CHD7: variants seen among roughly 807,000 people sequenced by gnomAD.
CHD7 encodes ATP-dependent chromatin remodeler CHD7.
CHD7 carries 24 observed loss-of-function variants against 307.3 expected under a neutral mutation model. That is an observed-to-expected ratio of 0.08 (90% CI 0.06 to 0.11). The LOEUF (loss-of-function observed/expected upper bound fraction) is 0.11, where lower values mean the gene tolerates loss of function less well. Among genes scored for constraint, CHD7 ranks in the 10% least tolerant of loss-of-function variants. The pLI, the probability that CHD7 is intolerant of heterozygous loss-of-function variation, is 1.00. For synonymous variants in CHD7, 1,363 were observed against 1,349.9 expected (o/e 1.01, Z -0.21); for missense variants, 3,106 against 3,727.1 (o/e 0.83, Z 4.34).
chr8:60,837,931 C>A, intron 18 of CHD7, 96 bp downstream of exon 18: 1 of 1,322,638 alleles, frequency 7.6e-7, no homozygotes, highest in Non-Finnish European at 1.0e-6. Flanking sequence ...TATTTTTCGA[C>A]CTCAATATTT....
At chr8:60,721,306 G>C (rs1376930463) in intron 1 of CHD7, among the ~76,000 whole-genome samples, 3 of 152,196 alleles carry the variant, frequency 2.0e-5, no homozygotes, top group Non-Finnish European at 4.4e-5. Flanking sequence ...AGAGAGAGCT[G>C]GCTCTCCCAG....
At chr8:60,732,371 T>C (rs1808496646) in intron 1 of CHD7, among the ~76,000 whole-genome samples, 1 of 152,244 alleles carries the variant, frequency 6.6e-6, no homozygotes. Flanking sequence ...GTTTGCTGCT[T>C]TCTCAGCCCC....
intron 1 of CHD7, among the ~76,000 whole-genome samples, chr8:60,687,141 T>G (rs1396738044): frequency 6.6e-6 from 1 of 152,232 alleles, no homozygotes; most frequent in Non-Finnish European, 1.5e-5. Flanking sequence ...AATGTGCATA[T>G]TATTTCAACA....
chr8:60,716,864 C>T (rs1344246823), intron 1 of CHD7, among the ~76,000 whole-genome samples: 1 of 152,146 alleles, frequency 6.6e-6, no homozygotes, highest in Non-Finnish European at 1.5e-5. Flanking sequence ...GTCTTCGGTT[C>T]TCTGTAGCAC....
intron 19 of CHD7, among the ~76,000 whole-genome samples, chr8:60,838,826 A>G (rs183914982): frequency 6.6e-6 from 1 of 152,282 alleles, no homozygotes; most frequent in East Asian, 1.9e-4. Context: ...AGTACACCAG[A>G]TGGTTCCACC....
At chr8:60,781,611 C>T (rs986550512) in intron 3 of CHD7, among the ~76,000 whole-genome samples, 181 bp downstream of exon 3, 1 of 152,078 alleles carries the variant, frequency 6.6e-6, no homozygotes, top group Non-Finnish European at 1.5e-5. Context: ...AAAGTTAGGA[C>T]TTATTGTTGT....
Position 60,800,672 on chromosome 8 carries a change from C to A in CHD7, c.2376+147C>A, listed in dbSNP as rs3890803. On this transcript the variant is annotated intron_variant, in intron 5 of 37. Transcript: ENST00000423902. Reference sequence around the variant, plus strand: ...GTTGGATAATGTGCTATGGGAAATTCGTTGTTTAGCAATATCTTTTAAAAA... The same window carrying A: ...GTTGGATAATGTGCTATGGGAAATTAGTTGTTTAGCAATATCTTTTAAAAA... 0.38 allele frequency: 277,139 copies of A among 728,240 alleles called. 57,950 individuals are homozygous for A. The highest frequency in any genetic ancestry group is 0.49 in the Admixed American group (15,131 of 30,948). 45.1% of individuals were successfully genotyped at this position (728,240 alleles called of 1,614,324 possible).
intron 15 of CHD7, among the ~76,000 whole-genome samples, chr8:60,835,604 A>C (rs1298268122): frequency 6.6e-6 from 1 of 152,200 alleles, no homozygotes; most frequent in Non-Finnish European, 1.5e-5. Flanking sequence ...GACCCAAACT[A>C]CTATTGCTCT....
At chr8:60,779,409 A>C (rs1165965460) in intron 2 of CHD7, among the ~76,000 whole-genome samples, 2 of 152,242 alleles carry the variant, frequency 1.3e-5, no homozygotes, top group Admixed American at 1.3e-4. Flanking sequence ...TACTAGAGTT[A>C]GGAAACTAGA....
chr8:60,849,263 A>G (rs1805348603), intron 25 of CHD7, 109 bp downstream of exon 25: 1 of 647,810 alleles, frequency 1.5e-6, no homozygotes, highest in Admixed American at 2.7e-5. Context: ...GATAGTTCCA[A>G]AGGACTCTTG....
intron 1 of CHD7, among the ~76,000 whole-genome samples, chr8:60,687,120 CAT>C (rs964226575): frequency 2.6e-5 from 4 of 152,162 alleles, no homozygotes; most frequent in African/African-American, 9.7e-5. Flanking sequence ...ATATTTAAAA[CAT>C]AATTAGCAAA....
chr8:60,850,452 T>C lies in CHD7; in HGVS notation c.5405-41T>C, dbSNP rs766736188. The C allele has an allele frequency of 5.1e-6, 8 of 1,573,158 alleles. No homozygotes were observed. The East Asian group carries it at 1.8e-4, about 36-fold the overall frequency. On this transcript the variant is annotated intron_variant, in intron 25 of 37. Coordinates refer to ENST00000423902, the MANE Select transcript of CHD7 (RefSeq NM_017780.4). The stretch of plus-strand genomic sequence containing the variant: ...TTTTGCCAGTGATGGGGCCTTTCTT[T>C]GTTTCTGTGTGTTTTCTGTGCACGG...
At position 60,845,272 on chromosome 8, in the gene CHD7, G is replaced by A; in HGVS notation, c.5073G>A (p.Arg1691=). The change falls in exon 23 of 38, where the codon AGG becomes AGA. Residue 1691 remains arginine (R), a synonymous_variant. Transcript: ENST00000423902. ...NHSGLSAPVP[R]GRKGKKVKAQ... ...TAGGTTTGTCAGCTCCTGTGCCAAG[G>A]GGAAGGAAGGGAAAGAAGGTGAAAG... The A allele has an allele frequency of 6.2e-7, 1 of 1,612,906 alleles. No homozygotes were observed. Among genetic ancestry groups the A allele is most frequent in the South Asian group, 1.1e-5 (1 of 91,020 alleles).
At chr8:60,777,507 C>G (rs983967276) in intron 2 of CHD7, among the ~76,000 whole-genome samples, 1 of 152,260 alleles carries the variant, frequency 6.6e-6, no homozygotes. Flanking sequence ...TTTTACATAT[C>G]TTTTCATTTT....
intron 8 of CHD7, among the ~76,000 whole-genome samples, chr8:60,816,948 T>A (rs917549652): frequency 4.6e-5 from 7 of 152,214 alleles, no homozygotes; most frequent in Non-Finnish European, 1.0e-4. Context: ...CTAAACTCAT[T>A]TTCGCAAATG....
At position 60,867,743 on chromosome 8, in the gene CHD7, T is replaced by TATGC. The variant is rs1322040212; in HGVS notation, c.*1811_*1814dup. 2.6e-5 allele frequency: 4 copies of TATGC among 152,102 alleles called. No homozygotes were observed. Among genetic ancestry groups the TATGC allele is most frequent in the African/African-American group, 9.7e-5 (4 of 41,384 alleles). The allele number at this position is 152,102 out of a possible 1,614,324, so 9.4% of individuals were successfully genotyped here. On this transcript the variant is annotated 3_prime_UTR_variant, in exon 38 of 38. Coordinates refer to ENST00000423902, the MANE Select transcript of CHD7 (RefSeq NM_017780.4). ...GTTCGTTTATGCCCCAAGATGAAAA[T>TATGC]ATGCCCCTTAATGATTCTGGGAAAG... is the stretch of plus-strand genomic sequence containing the variant.
At chr8:60,851,349 A>G in intron 28 of CHD7, 30 bp downstream of exon 28, 1 of 1,519,844 alleles carries the variant, frequency 6.6e-7, no homozygotes, top group Non-Finnish European at 9.0e-7. Context: ...TGTGTAGCCG[A>G]GCAGACGTGC....
At chr8:60,834,816 A>G (rs1804670650) in intron 15 of CHD7, among the ~76,000 whole-genome samples, 1 of 152,222 alleles carries the variant, frequency 6.6e-6, no homozygotes, top group South Asian at 2.1e-4. Flanking sequence ...TGCAGCCTTA[A>G]AGTACAGATA....
At chr8:60,838,308 A>T in intron 19 of CHD7, 53 bp downstream of exon 19, 6 of 1,494,138 alleles carry the variant, frequency 4.0e-6, no homozygotes, top group Non-Finnish European at 5.5e-6. Context: ...GACAGAGTTC[A>T]TGTGAAAAGT....
Sources: gnomAD v4.1 joint callset for allele counts (sites outside exome capture counted in the v4.1 genomes callset) on GRCh38, gnomAD v4.1.1 for gene constraint, MANE v1.5 for transcripts, NCBI Gene and HGNC (gene_info 2026-07-23, HGNC 2026-07-21) for gene names.